The following CHN2 variants were observed in gnomAD, a reference collection of about 807,000 sequenced individuals.
CHN2 encodes the protein chimerin 2.
CHN2 carries 35 observed loss-of-function variants against 56.3 expected under a neutral mutation model. That is an observed-to-expected ratio of 0.62 (90% CI 0.47 to 0.82). CHN2 has a LOEUF of 0.82. Among genes scored for constraint, CHN2 ranks in the 40% least tolerant of loss-of-function variants. CHN2 has a pLI of 0.00. For missense variants in CHN2, 491 were observed against 580.5 expected (o/e 0.85, Z 1.58); for synonymous variants, 210 against 212.8 (o/e 0.99, Z 0.12).
At chr7:29,160,995 T>A (rs1001370852) in intron 2 of CHN2, among the ~76,000 whole-genome samples, 7 of 152,226 alleles carry the variant, frequency 4.6e-5, no homozygotes, top group Non-Finnish European at 8.8e-5. Context: ...ATTGAGTTTT[T>A]CCTGCTTTTT....
At chr7:29,423,562 A>C (rs779532232) in intron 6 of CHN2, among the ~76,000 whole-genome samples, 1 of 152,222 alleles carries the variant, frequency 6.6e-6, no homozygotes, top group Non-Finnish European at 1.5e-5. Flanking sequence ...GCTTCCCAGA[A>C]AACCTGGCCA....
intron 7 of CHN2, among the ~76,000 whole-genome samples, chr7:29,487,396 G>A (rs1324874769): frequency 2.0e-5 from 3 of 152,120 alleles, no homozygotes; most frequent in African/African-American, 7.2e-5. Flanking sequence ...TTAAAAAAAT[G>A]TTGTTTCTGC....
chr7:29,333,253 G>A (rs770096390), intron 1 of CHN2, among the ~76,000 whole-genome samples: 6 of 152,180 alleles, frequency 3.9e-5, no homozygotes, highest in Non-Finnish European at 8.8e-5. Flanking sequence ...CTCCACGGCT[G>A]TCCCACACCA....
chr7:29,415,633 G>T (rs1240024887), intron 6 of CHN2, among the ~76,000 whole-genome samples: 2 of 152,180 alleles, frequency 1.3e-5, no homozygotes, highest in African/African-American at 2.4e-5. Context: ...TTGGAGAGGG[G>T]GGAGGCTGGA....
chr7:29,423,573 G>A (rs1399816348), intron 6 of CHN2, among the ~76,000 whole-genome samples: 1 of 152,230 alleles, frequency 6.6e-6, no homozygotes, highest in Non-Finnish European at 1.5e-5. Flanking sequence ...AACCTGGCCA[G>A]CAACGGTTCT....
chr7:29,236,062 A>T lies in CHN2; in HGVS notation c.49+41072A>T, dbSNP rs1787173399. ...TAAAAGTCGGACAGGAAAAAATAAAAAGCAGATACCCTCTGGAGGTATGGT... is the reference window on the plus strand; with the variant it reads ...TAAAAGTCGGACAGGAAAAAATAAATAGCAGATACCCTCTGGAGGTATGGT... On this transcript the variant is annotated intron_variant, in intron 1 of 12. Coordinates refer to ENST00000222792, the MANE Select transcript of CHN2 (RefSeq NM_004067.4). 5.3e-5 allele frequency among the ~76,000 whole-genome samples: 8 copies of T among 152,314 alleles called. No homozygotes were observed. In the South Asian group the frequency reaches 1.7e-3, roughly 32 times the overall value.
At chr7:29,307,797 C>T (rs552426695) in intron 1 of CHN2, among the ~76,000 whole-genome samples, 26 of 152,314 alleles carry the variant, frequency 1.7e-4, no homozygotes, top group Non-Finnish European at 3.4e-4. Flanking sequence ...CCTTCACATC[C>T]AATTGGGGCC....
chr7:29,281,611 A>G (rs6952970), intron 1 of CHN2, among the ~76,000 whole-genome samples: 1 of 152,186 alleles, frequency 6.6e-6, no homozygotes, highest in East Asian at 1.9e-4. Flanking sequence ...TGAGGATCAC[A>G]TGAAATAATA....
At chr7:29,406,661 C>T (rs73306822) in intron 6 of CHN2, among the ~76,000 whole-genome samples, 1 of 152,238 alleles carries the variant, frequency 6.6e-6, no homozygotes, top group African/African-American at 2.4e-5. Flanking sequence ...GCATGGCCCT[C>T]GGGAACCAGC....
intron 1 of CHN2, among the ~76,000 whole-genome samples, chr7:29,231,345 C>T (rs774142924): frequency 2.6e-5 from 4 of 152,108 alleles, no homozygotes; most frequent in Admixed American, 6.5e-5. Flanking sequence ...AATTCATCCC[C>T]GGTAGGAGAA....
chr7:29,180,835 A>G (rs1051570524), intron 2 of CHN2, among the ~76,000 whole-genome samples: 1 of 152,180 alleles, frequency 6.6e-6, no homozygotes, highest in Non-Finnish European at 1.5e-5. Flanking sequence ...TATCATCCGT[A>G]TACCTCTTGG....
intron 6 of CHN2, among the ~76,000 whole-genome samples, chr7:29,432,875 C>T (rs967286962): frequency 3.5e-4 from 53 of 152,260 alleles, no homozygotes; most frequent in African/African-American, 9.4e-4. Flanking sequence ...TTGTCTGCTG[C>T]AACCAGAAGA....
intron 2 of CHN2, among the ~76,000 whole-genome samples, chr7:29,366,237 G>A (rs1799146211): frequency 6.6e-6 from 1 of 152,136 alleles, no homozygotes; most frequent in African/African-American, 2.4e-5. Context: ...GAGCCTTTGT[G>A]TGTAGGAGAT....
At chr7:29,147,751 G>T (rs936614870) in intron 2 of CHN2, among the ~76,000 whole-genome samples, 2 of 152,108 alleles carry the variant, frequency 1.3e-5, no homozygotes, top group African/African-American at 2.4e-5. Context: ...ATATATGCAG[G>T]ACCCAGGGCA....
intron 6 of CHN2, among the ~76,000 whole-genome samples, chr7:29,404,667 A>G (rs950999911): frequency 1.3e-5 from 2 of 152,298 alleles, no homozygotes; most frequent in East Asian, 1.9e-4. Context: ...TGTGTGGAGT[A>G]TGGTATTATT....
exon 2 of CHN2, chr7:29,146,924 A>G: frequency 6.4e-7 from 1 of 1,551,200 alleles, no homozygotes; most frequent in Non-Finnish European, 8.7e-7. Context: ...AAGGCAACAC[A>G]CGTTCGCTGA....
At chr7:29,328,928 A>C (rs1345926789) in intron 1 of CHN2, among the ~76,000 whole-genome samples, 1 of 152,164 alleles carries the variant, frequency 6.6e-6, no homozygotes, top group African/African-American at 2.4e-5. Flanking sequence ...ACATCTCTAA[A>C]TTCTTCAGAA....
At chr7:29,428,519 A>G (rs1805109375) in intron 6 of CHN2, among the ~76,000 whole-genome samples, 1 of 152,150 alleles carries the variant, frequency 6.6e-6, no homozygotes, top group Non-Finnish European at 1.5e-5. Flanking sequence ...GACCATTTCC[A>G]CAAGGCCCTC....
intron 3 of CHN2, among the ~76,000 whole-genome samples, chr7:29,382,751 C>G (rs1800616465): frequency 1.3e-5 from 2 of 152,206 alleles, no homozygotes; most frequent in Admixed American, 1.3e-4. Flanking sequence ...CCCAGGATGG[C>G]AGCATTTCAG....
Sources: allele counts gnomAD v4.1 joint callset (sites outside exome capture counted in the v4.1 genomes callset), GRCh38; gene constraint gnomAD v4.1.1; transcripts MANE v1.5; gene names NCBI Gene and HGNC (gene_info 2026-07-23, HGNC 2026-07-21).